Variants in AJAP1 observed in about 807,000 individuals in gnomAD.
AJAP1 encodes the protein adherens junctions associated protein 1.
AJAP1 carries 5 observed loss-of-function variants against 35.0 expected under a neutral mutation model. That is an observed-to-expected ratio of 0.14 (90% CI 0.07 to 0.30). The LOEUF (loss-of-function observed/expected upper bound fraction) is 0.30, where lower values mean the gene tolerates loss of function less well. AJAP1 is among the 10% of genes least tolerant of loss of function. The pLI is 1.00. For missense variants in AJAP1, 586 were observed against 571.0 expected (o/e 1.03, Z -0.27); for synonymous variants, 284 against 249.3 (o/e 1.14, Z -1.31).
intron 2 of AJAP1, among the ~76,000 whole-genome samples, chr1:4,718,976 C>T (rs548394562): frequency 1.3e-5 from 2 of 152,216 alleles, no homozygotes; most frequent in South Asian, 4.1e-4. Context: ...GTGGGGTAGC[C>T]GGCGGCTGCA....
chr1:4,768,793 C>T (rs143733220), intron 2 of AJAP1, among the ~76,000 whole-genome samples: 36 of 152,254 alleles, frequency 2.4e-4, no homozygotes, highest in Admixed American at 4.6e-4. Flanking sequence ...GTGGACCTTC[C>T]GAGTAGCCCT....
In AJAP1 at chr1:4,656,459, G is replaced by T. The variant is rs1638884495; in HGVS notation, c.29+1005G>T. On this transcript the variant is annotated intron_variant, in intron 1 of 5. Transcript: ENST00000378191. The surrounding 1 kb of genome is among the most constrained non-coding windows in gnomAD (Gnocchi z 5.7). ...AGAGCAGCGTGCGGTTCTCGAGTTT[G>T]TCCACTGGGATGCACTGCGCTCCCG... is the stretch of plus-strand genomic sequence containing the variant. Among the ~76,000 whole-genome samples, 1 of 152,186 alleles carries T rather than the reference G, an allele frequency of 6.6e-6. No homozygotes were observed. The highest frequency in any genetic ancestry group is 1.5e-5 in the Non-Finnish European group (1 of 68,036).
chr1:4,684,056 C>T (rs1273542999), intron 1 of AJAP1, among the ~76,000 whole-genome samples: 1 of 152,114 alleles, frequency 6.6e-6, no homozygotes, highest in Admixed American at 6.5e-5. Flanking sequence ...CGGGAATGGC[C>T]TGGAAAAGGC....
intron 2 of AJAP1, among the ~76,000 whole-genome samples, chr1:4,763,215 C>T (rs543959318): frequency 8.5e-5 from 13 of 152,228 alleles, no homozygotes; most frequent in South Asian, 2.1e-4. Flanking sequence ...AAAGTGTCTC[C>T]AGACATTCCA....
rs1471802485 is a variant in AJAP1, at chr1:4,693,265, G to A, written c.30-18635G>A. Among the ~76,000 whole-genome samples the A allele has an allele frequency of 6.6e-6, 1 of 151,974 alleles. No homozygotes were observed. The highest frequency in any genetic ancestry group is 1.5e-5 in the Non-Finnish European group (1 of 67,944). On this transcript the variant is annotated intron_variant, in intron 1 of 5. Transcript: ENST00000378191. This position sits in a 1 kb window ranked among gnomAD's most constrained non-coding sequence, Gnocchi z 4.4. Reference sequence around the variant, plus strand: ...TAGACACCAGGCCACTCAACTGAGGGGAGAAGCAGCCCGTGGTCAGGGGAC... The same window carrying A: ...TAGACACCAGGCCACTCAACTGAGGAGAGAAGCAGCCCGTGGTCAGGGGAC...
chr1:4,742,793 G>T (rs961852270), intron 2 of AJAP1, among the ~76,000 whole-genome samples: 1 of 152,160 alleles, frequency 6.6e-6, no homozygotes, highest in Non-Finnish European at 1.5e-5. Flanking sequence ...ATGGTTTAGG[G>T]TTAGTACTTT....
intron 2 of AJAP1, among the ~76,000 whole-genome samples, chr1:4,718,772 C>A (rs554791151): frequency 6.6e-6 from 1 of 152,172 alleles, no homozygotes; most frequent in East Asian, 1.9e-4. Flanking sequence ...TGAGCCACCA[C>A]GCCCGGCCTC....
chr1:4,772,685 G>A (rs1171656993), intron 4 of AJAP1, among the ~76,000 whole-genome samples, 160 bp downstream of exon 4: 2 of 152,200 alleles, frequency 1.3e-5, no homozygotes, highest in South Asian at 2.1e-4. Context: ...TTGGCAAAAC[G>A]AAAGAGGCAG....
At chr1:4,742,461 A>G (rs539544894) in intron 2 of AJAP1, among the ~76,000 whole-genome samples, 2 of 152,274 alleles carry the variant, frequency 1.3e-5, no homozygotes, top group East Asian at 3.9e-4. Flanking sequence ...AACTGTTCCC[A>G]ATTGGAAGAC....
intron 2 of AJAP1, among the ~76,000 whole-genome samples, chr1:4,715,539 A>G (rs7516128): frequency 0.077 from 11,680 of 152,114 alleles, 703 homozygotes; most frequent in East Asian, 0.17. Context: ...CAAAAAATTA[A>G]CCTGGTATGG....
chr1:4,674,877 C>T (rs1168185303), intron 1 of AJAP1, among the ~76,000 whole-genome samples: 1 of 152,240 alleles, frequency 6.6e-6, no homozygotes, highest in Non-Finnish European at 1.5e-5. Flanking sequence ...TTGTTGCCTG[C>T]CTCTGCTCTT....
intron 2 of AJAP1, among the ~76,000 whole-genome samples, chr1:4,751,030 T>C (rs1236601765): frequency 6.6e-5 from 10 of 151,776 alleles, no homozygotes; most frequent in African/African-American, 1.5e-4. Context: ...CACCACTCGA[T>C]AGTGACCAGG....
rs1640569751 is a variant in AJAP1 at position 4,723,410 on chromosome 1, T to TG, written c.829+10715dup. Among the ~76,000 whole-genome samples, 1 of 151,684 alleles carries TG rather than the reference T, an allele frequency of 6.6e-6. No individual in the cohort carries two copies. The highest frequency in any genetic ancestry group is 1.5e-5 in the Non-Finnish European group (1 of 67,970). ...AAGGTCTGGAAGGCCATGGAGACAG[T>TG]GGGGACCACTTGGACAGAGCGGGGA... On this transcript the variant is annotated intron_variant, in intron 2 of 5. Transcript: ENST00000378191. The surrounding 1 kb of genome is among the most constrained non-coding windows in gnomAD (Gnocchi z 4.3).
rs377123062 is a variant in AJAP1, at chr1:4,769,369, C to A, written c.830-484C>A. Among the ~76,000 whole-genome samples the A allele has an allele frequency of 2.6e-5, 4 of 152,300 alleles. No individual in the cohort carries two copies. In the East Asian group the frequency reaches 5.8e-4, roughly 22 times the overall value. ...TATGTACTGGCCCATCCTGGCTCCC[C>A]CTGGGTCAGGCCAAACCCTGCTCCC... On this transcript the variant is annotated intron_variant, in intron 2 of 5. Transcript: ENST00000378191.
intron 1 of AJAP1, among the ~76,000 whole-genome samples, chr1:4,696,859 ATG>A (rs1027120861): frequency 6.7e-6 from 1 of 149,452 alleles, no homozygotes; most frequent in African/African-American, 2.5e-5. Flanking sequence ...TGCACACAAG[ATG>A]TGTTTGTGTG....
intron 1 of AJAP1, among the ~76,000 whole-genome samples, chr1:4,658,558 T>C (rs1337505151): frequency 6.6e-6 from 1 of 152,238 alleles, no homozygotes; most frequent in Non-Finnish European, 1.5e-5. Context: ...AACTGGAATC[T>C]ATCTAGTGTC....
chr1:4,740,431 T>A (rs1641033326), intron 2 of AJAP1, among the ~76,000 whole-genome samples: 1 of 33,772 alleles, frequency 3.0e-5, no homozygotes. Flanking sequence ...GTTCTGGAGT[T>A]GGAGGGTGGT....
chr1:4,712,110 C>T lies in AJAP1; in HGVS notation c.240C>T (p.Ser80=), dbSNP rs774265772. 1.3e-6 allele frequency: 2 copies of T among 1,533,086 alleles called. No individual in the cohort carries two copies. Among genetic ancestry groups the T allele is most frequent in the East Asian group, 2.4e-5 (1 of 41,250 alleles). 95.0% of individuals were successfully genotyped at this position (1,533,086 alleles called of 1,614,324 possible). A position where few individuals can be genotyped will look rare whatever the true frequency, so the allele number is the denominator to read the frequency against. ...QPARVPAPVW[S]PRPPRVERIH... Reference sequence around the variant, plus strand: ...CGCGGGTCCCGGCCCCGGTGTGGAGCCCCCGGCCGCCCCGAGTGGAGCGGA... The same window carrying T: ...CGCGGGTCCCGGCCCCGGTGTGGAGTCCCCGGCCGCCCCGAGTGGAGCGGA... Residue 80 remains serine (S), a synonymous_variant, in exon 2 of 6, where the codon AGC becomes AGT. Coordinates refer to ENST00000378191, the MANE Select transcript of AJAP1 (RefSeq NM_018836.4).
chr1:4,720,757 A>G lies in AJAP1; in HGVS notation c.829+8058A>G, dbSNP rs971191996. Among the ~76,000 whole-genome samples the G allele has an allele frequency of 2.6e-5, 4 of 151,994 alleles. No homozygotes were observed. The highest frequency in any genetic ancestry group is 9.7e-5 in the African/African-American group (4 of 41,366). ...ATGGTGTTTGTGGTGGGAAAATGCCATTTGCTTTCTGTGACCTTCAGTATC... is the reference window on the plus strand; with the variant it reads ...ATGGTGTTTGTGGTGGGAAAATGCCGTTTGCTTTCTGTGACCTTCAGTATC... On this transcript the variant is annotated intron_variant, in intron 2 of 5. Transcript: ENST00000378191. The surrounding 1 kb of genome is among the most constrained non-coding windows in gnomAD (Gnocchi z 4.4).
Sources: allele counts gnomAD v4.1 joint callset (sites outside exome capture counted in the v4.1 genomes callset), GRCh38; gene constraint gnomAD v4.1.1; non-coding constraint Gnocchi (gnomAD v3.1); transcripts MANE v1.5; gene names NCBI Gene and HGNC (gene_info 2026-07-23, HGNC 2026-07-21).